Variants in ZNF148 observed in about 807,000 individuals in gnomAD.
The protein encoded by ZNF148 is Beta-Enolase Repressor Factor-1.
A neutral mutation model predicts 67.7 loss-of-function variants in ZNF148; 7 were observed. That is an observed-to-expected ratio of 0.10 (90% CI 0.06 to 0.19). The LOEUF is 0.19. Ranked by LOEUF, ZNF148 falls within the 10% of genes least tolerant of loss-of-function variation. The pLI, the probability that ZNF148 is intolerant of heterozygous loss-of-function variation, is 1.00. For synonymous variants in ZNF148, 333 were observed against 330.7 expected, an observed-to-expected ratio of 1.01 and a Z score of -0.08; for missense variants, 583 against 947.1, an observed-to-expected ratio of 0.62 and a Z score of 5.05.
intron 4 of ZNF148, among the ~76,000 whole-genome samples, chr3:125,293,385 T>C (rs1246158812): frequency 6.6e-6 from 1 of 152,138 alleles, no homozygotes; most frequent in African/African-American, 2.4e-5. Flanking sequence ...TCCTAGCTTG[T>C]TTGCTGAGGT....
chr3:125,291,406 G>T (rs1407798701), intron 4 of ZNF148, among the ~76,000 whole-genome samples: 5 of 152,058 alleles, frequency 3.3e-5, no homozygotes, highest in Non-Finnish European at 7.4e-5. Context: ...AAAGACCTAA[G>T]GTACTTGGCA....
chr3:125,284,998 T>C (rs966560974), intron 5 of ZNF148, among the ~76,000 whole-genome samples: 1 of 151,594 alleles, frequency 6.6e-6, no homozygotes, highest in Non-Finnish European at 1.5e-5. Flanking sequence ...CAGCTAAAGA[T>C]GGAATAACAA....
chr3:125,329,132 C>CACCT (rs1294676601), intron 2 of ZNF148, among the ~76,000 whole-genome samples: 3 of 150,478 alleles, frequency 2.0e-5, no homozygotes, highest in Non-Finnish European at 3.0e-5. Flanking sequence ...TAAGTGTATA[C>CACCT]ACCTATCATA....
Position 125,261,825 on chromosome 3 carries a change from G to GCTTT in ZNF148, c.667+15900_667+15901insAAAG, listed in dbSNP as rs35313913. ...AAAATAACCTGACAGGGGTTGACAAGTTTTTTTTTTTTTTTTTTTAACACA... is the reference window on the plus strand; with the variant it reads ...AAAATAACCTGACAGGGGTTGACAAGCTTTTTTTTTTTTTTTTTTTTTTAACACA... On this transcript the variant is annotated intron_variant, in intron 7 of 8. Transcript: ENST00000360647. Among the ~76,000 whole-genome samples the GCTTT allele has an allele frequency of 3.3e-3, 464 of 138,946 alleles. 14 individuals are homozygous for GCTTT. Among genetic ancestry groups the GCTTT allele is most frequent in the East Asian group, 4.3e-3 (20 of 4,652 alleles). The allele number at this position is 138,946 out of a possible 152,430, so 91.2% of individuals were successfully genotyped here.
At chr3:125,288,497 G>C (rs1380644074) in intron 4 of ZNF148, among the ~76,000 whole-genome samples, 2 of 151,424 alleles carry the variant, frequency 1.3e-5, no homozygotes, top group Non-Finnish European at 2.9e-5. Flanking sequence ...GGGAAAAGAT[G>C]ATCATAAGAC....
chr3:125,369,409 T>C (rs1034797887), intron 1 of ZNF148, among the ~76,000 whole-genome samples: 8 of 68,492 alleles, frequency 1.2e-4, no homozygotes, highest in African/African-American at 4.7e-4. Context: ...AAAAAAAAAG[T>C]GTGCCTCTTG....
intron 4 of ZNF148, among the ~76,000 whole-genome samples, chr3:125,301,890 ACT>A (rs1939607119): frequency 1.3e-5 from 2 of 151,646 alleles, no homozygotes; most frequent in African/African-American, 4.8e-5. Context: ...ATGGTGAAAC[ACT>A]GTCTCTATTA....
intron 1 of ZNF148, among the ~76,000 whole-genome samples, chr3:125,339,639 A>G (rs1941633174): frequency 6.6e-6 from 1 of 152,212 alleles, no homozygotes; most frequent in Non-Finnish European, 1.5e-5. Context: ...AGAAGTAAAC[A>G]AGGCTGTACA....
intron 8 of ZNF148, 40 bp downstream of exon 8, chr3:125,234,171 A>G (rs368432730): frequency 4.6e-4 from 628 of 1,369,894 alleles, no homozygotes; most frequent in Admixed American, 6.4e-4. Context: ...TTATTGTATA[A>G]TTTAATTACA....
intron 7 of ZNF148, among the ~76,000 whole-genome samples, chr3:125,237,668 AT>A (rs1168614959): frequency 6.6e-6 from 1 of 152,250 alleles, no homozygotes; most frequent in African/African-American, 2.4e-5. Flanking sequence ...AAAAGTGATA[AT>A]GAAAGAGAAA....
intron 7 of ZNF148, among the ~76,000 whole-genome samples, chr3:125,256,967 GTTTTTTTT>G (rs10576530): frequency 9.2e-5 from 10 of 108,132 alleles, no homozygotes; most frequent in South Asian, 6.2e-4. Flanking sequence ...AGAACTTCCA[GTTTTTTTT>G]TTTTTTTTTT....
chr3:125,265,255 A>C (rs1405946752), intron 7 of ZNF148, among the ~76,000 whole-genome samples: 1 of 152,236 alleles, frequency 6.6e-6, no homozygotes, highest in Non-Finnish European at 1.5e-5. Flanking sequence ...TGGATGATTA[A>C]AGCATAGCAT....
chr3:125,363,602 C>A (rs140726710), intron 1 of ZNF148, among the ~76,000 whole-genome samples: 29 of 152,154 alleles, frequency 1.9e-4, no homozygotes, highest in Non-Finnish European at 2.8e-4. Context: ...TTATAGCTAT[C>A]CCTCTCCTTT....
intron 7 of ZNF148, among the ~76,000 whole-genome samples, chr3:125,239,495 AC>A (rs1272623569): frequency 1.3e-5 from 2 of 152,196 alleles, no homozygotes; most frequent in Non-Finnish European, 2.9e-5. Flanking sequence ...ACCACTTCAC[AC>A]CCACGAGGAT....
intron 2 of ZNF148, among the ~76,000 whole-genome samples, chr3:125,323,774 C>G (rs767241834): frequency 4.6e-5 from 7 of 152,014 alleles, no homozygotes; most frequent in Non-Finnish European, 8.8e-5. Flanking sequence ...TCCTGGCTAA[C>G]ATGATGAAAC....
At chr3:125,290,113 T>G (rs989696920) in intron 4 of ZNF148, among the ~76,000 whole-genome samples, 1 of 152,134 alleles carries the variant, frequency 6.6e-6, no homozygotes, top group African/African-American at 2.4e-5. Flanking sequence ...CTCCTAAAAC[T>G]CTAAAGCCCC....
At chr3:125,346,170 T>A (rs1319316365) in intron 1 of ZNF148, among the ~76,000 whole-genome samples, 4 of 152,216 alleles carry the variant, frequency 2.6e-5, no homozygotes, top group Non-Finnish European at 2.9e-5. Flanking sequence ...TGGCTTAAGA[T>A]TTGAAAATCA....
At chr3:125,304,174 G>T (rs1363053504) in intron 4 of ZNF148, among the ~76,000 whole-genome samples, 1 of 152,084 alleles carries the variant, frequency 6.6e-6, no homozygotes, top group Admixed American at 6.5e-5. Flanking sequence ...AAGGAAGAGG[G>T]CTTCTACATG....
At chr3:125,310,579 C>T (rs530311330) in intron 4 of ZNF148, among the ~76,000 whole-genome samples, 29 of 151,178 alleles carry the variant, frequency 1.9e-4, no homozygotes, top group Non-Finnish European at 3.2e-4. Flanking sequence ...AAATTAAATC[C>T]GAAACAAGCA....
Sources: allele counts gnomAD v4.1 joint callset (sites outside exome capture counted in the v4.1 genomes callset), GRCh38; gene constraint gnomAD v4.1.1; transcripts MANE v1.5; gene names NCBI Gene and HGNC (gene_info 2026-07-23, HGNC 2026-07-21).